The following TENM1 variants were observed in gnomAD, a reference collection of about 807,000 sequenced individuals.
TENM1 encodes teneurin-1.
In TENM1, 35 loss-of-function variants were observed where a neutral mutation model predicts 174.8. The observed-to-expected ratio is 0.20, with a 90% CI of 0.15 to 0.27. The LOEUF is 0.27. TENM1 is among the 10% of genes least tolerant of loss of function. The pLI is 1.00. For missense variants in TENM1, 1,633 were observed against 2,130.1 expected (o/e 0.77, Z 4.59); for synonymous variants, 781 against 798.7 (o/e 0.98, Z 0.37).
chrX:124,837,423 A>G (rs1291089636), intron 3 of TENM1, among the ~76,000 whole-genome samples: 3 of 112,241 alleles, frequency 2.7e-5, no homozygotes, highest in African/African-American at 9.7e-5. Context: ...CAGTTAGTTC[A>G]GTGACACAGA....
chrX:124,818,264 T>G (rs5958593), intron 3 of TENM1, among the ~76,000 whole-genome samples: 9,056 of 111,119 alleles, frequency 0.081, 650 homozygotes, highest in African/African-American at 0.24. Context: ...CAAACTGTTT[T>G]CCGTAACTGT....
chrX:124,884,486 A>T (rs1427484269), intron 3 of TENM1, among the ~76,000 whole-genome samples: 1 of 111,032 alleles, frequency 9.0e-6, no homozygotes, highest in East Asian at 2.9e-4. Flanking sequence ...ACATGGATCA[A>T]GGGTTCTCCA....
rs377121363 is a variant in TENM1 at position 124,688,881 on chromosome X, A to C, written c.1015+16132T>G. On this transcript the variant is annotated intron_variant, in intron 5 of 31. Transcript: ENST00000422452. ...TACTTGAACATTTCTAAGAGAGTGG[A>C]TCTTAAATGCTCTCATCACCGAACA... 1.5e-4 allele frequency: 17 copies of C among 111,789 alleles called. No individual in the cohort carries two copies. In the East Asian group the frequency reaches 1.7e-3, roughly 11 times the overall value. The allele number at this position is 111,789 out of a possible 1,213,427, so 9.2% of individuals were successfully genotyped here.
chrX:125,052,795 G>A, the TENM1 span, among the ~76,000 whole-genome samples: 1 of 112,259 alleles, frequency 8.9e-6, no homozygotes, highest in South Asian at 3.6e-4. Context: ...CAAATGTTCC[G>A]GGCTTCGCCA....
intron 3 of TENM1, among the ~76,000 whole-genome samples, chrX:124,843,575 T>G (rs755461756): frequency 1.8e-5 from 2 of 111,940 alleles, no homozygotes; most frequent in Non-Finnish European, 1.9e-5. Context: ...GTTTGAACAA[T>G]GCATGGAGTT....
chrX:125,095,967 T>G, the TENM1 span, among the ~76,000 whole-genome samples: 1 of 111,983 alleles, frequency 8.9e-6, no homozygotes, highest in African/African-American at 3.2e-5. Context: ...TATTGGAAAC[T>G]CTCTTCTGAA....
chrX:124,714,155 G>C (rs1226949750), intron 4 of TENM1, among the ~76,000 whole-genome samples: 1 of 111,436 alleles, frequency 9.0e-6, no homozygotes, highest in African/African-American at 3.3e-5. Flanking sequence ...GATATTATCT[G>C]CATTTCATAG....
At chrX:124,743,910 T>G (rs2053857329) in intron 3 of TENM1, among the ~76,000 whole-genome samples, 1 of 111,907 alleles carries the variant, frequency 8.9e-6, no homozygotes. Context: ...ATTTTCTACT[T>G]TCTAGTTTAA....
intron 3 of TENM1, among the ~76,000 whole-genome samples, chrX:124,825,158 CTT>C (rs745471230): frequency 3.3e-5 from 2 of 60,993 alleles, no homozygotes; most frequent in Non-Finnish European, 6.2e-5. Flanking sequence ...AGCTGACTTT[CTT>C]TTTTTTTTTT....
At chrX:124,699,304 C>A (rs777087171) in intron 5 of TENM1, among the ~76,000 whole-genome samples, 1 of 110,705 alleles carries the variant, frequency 9.0e-6, no homozygotes, top group African/African-American at 3.3e-5. Context: ...TCCAAAATGA[C>A]TAACCTCCTG....
rs770683368 is a variant in TENM1 at position 124,434,135 on chromosome X, TA to T, written c.4105-11498del. ...CCTCAGGCTAGTGTATCTTCAGTTT[TA>T]AAAAAAATCACACTTTTATTTTCTA... On this transcript the variant is annotated intron_variant, in intron 23 of 31. Transcript: ENST00000422452. Among the ~76,000 whole-genome samples the T allele has an allele frequency of 3.6e-5, 4 of 111,512 alleles. No homozygotes were observed. In the East Asian group the frequency reaches 8.4e-4, roughly 23 times the overall value.
At chrX:124,788,802 T>C (rs1266159467) in intron 3 of TENM1, among the ~76,000 whole-genome samples, 1 of 112,357 alleles carries the variant, frequency 8.9e-6, no homozygotes, top group Admixed American at 9.3e-5. Context: ...TGGGCTTGTG[T>C]TGCATGTCTG....
intron 22 of TENM1, among the ~76,000 whole-genome samples, chrX:124,472,679 A>G (rs1385514310): frequency 9.0e-6 from 1 of 111,285 alleles, no homozygotes; most frequent in Non-Finnish European, 1.9e-5. Flanking sequence ...TTTATCCAGT[A>G]TTTCTGGAGG....
intron 14 of TENM1, among the ~76,000 whole-genome samples, chrX:124,548,468 A>T (rs1336868458): frequency 4.5e-5 from 5 of 111,958 alleles, no homozygotes; most frequent in African/African-American, 1.3e-4. Flanking sequence ...AAAATGTAAG[A>T]AGTGCTTTAA....
At chrX:124,588,940 A>G (rs1271631327) in intron 11 of TENM1, among the ~76,000 whole-genome samples, 1 of 110,632 alleles carries the variant, frequency 9.0e-6, no homozygotes, top group Non-Finnish European at 1.9e-5. Context: ...ACTATGTTAA[A>G]TAGGAGTGGT....
At chrX:124,960,265 G>C (rs2058634456) in intron 1 of TENM1, among the ~76,000 whole-genome samples, 1 of 111,527 alleles carries the variant, frequency 9.0e-6, no homozygotes, top group African/African-American at 3.3e-5. Context: ...TGTCCTTCTG[G>C]TAAACTTTTA....
At chrX:125,022,816 T>C in the TENM1 span, among the ~76,000 whole-genome samples, 2 of 112,063 alleles carry the variant, frequency 1.8e-5, no homozygotes, top group East Asian at 2.8e-4. Flanking sequence ...GTTGTGTATA[T>C]ATTTTCTGTG....
At chrX:125,124,083 C>T in the TENM1 span, among the ~76,000 whole-genome samples, 19 of 112,058 alleles carry the variant, frequency 1.7e-4, no homozygotes, top group South Asian at 6.3e-3. Flanking sequence ...TCTGAAGTTG[C>T]CATTACATGT....
chrX:124,890,778 A>T (rs988858749), intron 3 of TENM1, among the ~76,000 whole-genome samples: 18 of 110,654 alleles, frequency 1.6e-4, no homozygotes, highest in African/African-American at 4.9e-4. Context: ...GAGGTACCCT[A>T]AAAAAAACTA....
Sources: gnomAD v4.1 joint callset for allele counts (sites outside exome capture counted in the v4.1 genomes callset) on GRCh38, gnomAD v4.1.1 for gene constraint, MANE v1.5 for transcripts, NCBI Gene and HGNC (gene_info 2026-07-23, HGNC 2026-07-21) for gene names.